KCNIP4: variants seen among roughly 807,000 people sequenced by gnomAD.
KCNIP4 encodes the protein potassium voltage-gated channel interacting protein 4.
KCNIP4 carries 12 observed loss-of-function variants against 34.0 expected under a neutral mutation model. The observed-to-expected ratio is 0.35, with a 90% CI of 0.23 to 0.57. The LOEUF is 0.57. Among genes scored for constraint, KCNIP4 ranks in the 20% least tolerant of loss-of-function variants. KCNIP4 has a pLI of 0.83. For synonymous variants in KCNIP4, 124 were observed against 102.2 expected (o/e 1.21, Z -1.29); for missense variants, 238 against 311.7 (o/e 0.76, Z 1.78).
At chr4:20,813,451 C>T (rs1049074698) in intron 3 of KCNIP4, among the ~76,000 whole-genome samples, 1 of 152,180 alleles carries the variant, frequency 6.6e-6, no homozygotes, top group South Asian at 2.1e-4. Context: ...TTGGATAGTG[C>T]TTGGACAACT....
intron 1 of KCNIP4, among the ~76,000 whole-genome samples, chr4:21,226,373 AGG>A: frequency 6.6e-6 from 1 of 151,208 alleles, no homozygotes; most frequent in East Asian, 2.0e-4. Flanking sequence ...GAAGGAAGGA[AGG>A]AAGGAAGGAA....
intron 1 of KCNIP4, among the ~76,000 whole-genome samples, chr4:21,910,266 G>A (rs1017628402): frequency 6.6e-6 from 1 of 152,090 alleles, no homozygotes; most frequent in Non-Finnish European, 1.5e-5. Context: ...CAATGCAAAT[G>A]TGTTGTCTAT....
intron 1 of KCNIP4, among the ~76,000 whole-genome samples, chr4:21,523,924 G>T (rs925243705): frequency 6.6e-6 from 1 of 152,012 alleles, no homozygotes; most frequent in Admixed American, 6.6e-5. Flanking sequence ...CTCTTTTAAT[G>T]ATATATTGGA....
At chr4:21,042,124 G>A (rs938948614) in intron 1 of KCNIP4, among the ~76,000 whole-genome samples, 4 of 152,238 alleles carry the variant, frequency 2.6e-5, no homozygotes, top group South Asian at 2.1e-4. Flanking sequence ...GATGGGAGCC[G>A]CCTTAAGGGT....
At chr4:21,199,250 T>C (rs889753081) in intron 1 of KCNIP4, among the ~76,000 whole-genome samples, 1 of 152,222 alleles carries the variant, frequency 6.6e-6, no homozygotes, top group Non-Finnish European at 1.5e-5. Flanking sequence ...TCCTGACTTT[T>C]TAATGATCGC....
At chr4:21,539,024 A>G (rs1737462005) in intron 1 of KCNIP4, among the ~76,000 whole-genome samples, 1 of 152,166 alleles carries the variant, frequency 6.6e-6, no homozygotes, top group African/African-American at 2.4e-5. Flanking sequence ...CTGATGGCTT[A>G]AAAGTGGCAG....
chr4:21,600,407 G>A (rs114956829), intron 1 of KCNIP4, among the ~76,000 whole-genome samples: 6 of 152,072 alleles, frequency 3.9e-5, no homozygotes, highest in African/African-American at 9.6e-5. Flanking sequence ...GGGGGTACAC[G>A]TGCTAGTTTG....
intron 1 of KCNIP4, among the ~76,000 whole-genome samples, chr4:21,713,478 C>T (rs144302693): frequency 5.9e-5 from 9 of 152,210 alleles, no homozygotes; most frequent in African/African-American, 2.2e-4. Flanking sequence ...ATTACTAATA[C>T]ATAATAGTTG....
chr4:21,589,294 G>A (rs1160090732), intron 1 of KCNIP4, among the ~76,000 whole-genome samples: 24 of 125,878 alleles, frequency 1.9e-4, no homozygotes, highest in African/African-American at 7.6e-4. Flanking sequence ...ACATATATAT[G>A]TGTATAGATA....
At chr4:21,382,703 T>G (rs1721627411) in intron 1 of KCNIP4, among the ~76,000 whole-genome samples, 1 of 152,214 alleles carries the variant, frequency 6.6e-6, no homozygotes, top group South Asian at 2.1e-4. Flanking sequence ...TTGTTTTATC[T>G]ACTGCACAGC....
intron 1 of KCNIP4, among the ~76,000 whole-genome samples, chr4:21,140,175 A>C (rs1751836077): frequency 6.6e-6 from 1 of 152,084 alleles, no homozygotes; most frequent in Admixed American, 6.5e-5. Context: ...GATTGCCGTC[A>C]GGCTGCTTGG....
intron 1 of KCNIP4, among the ~76,000 whole-genome samples, chr4:20,959,204 T>C (rs1201951417): frequency 6.6e-6 from 1 of 152,192 alleles, no homozygotes; most frequent in Non-Finnish European, 1.5e-5. Flanking sequence ...GGTGACATGG[T>C]TCACCTCTTG....
intron 1 of KCNIP4, among the ~76,000 whole-genome samples, chr4:21,460,518 T>G (rs1729366353): frequency 6.6e-6 from 1 of 152,080 alleles, no homozygotes; most frequent in Non-Finnish European, 1.5e-5. Flanking sequence ...ATGGACTGAT[T>G]CAGTTCACCC....
intron 1 of KCNIP4, among the ~76,000 whole-genome samples, chr4:21,586,667 T>G (rs1477668029): frequency 6.6e-6 from 1 of 152,066 alleles, no homozygotes; most frequent in Admixed American, 6.6e-5. Flanking sequence ...CAAACAAAAC[T>G]GATAGGACGG....
intron 1 of KCNIP4, among the ~76,000 whole-genome samples, chr4:21,924,229 T>C (rs1354813243): frequency 6.7e-6 from 1 of 148,442 alleles, no homozygotes; most frequent in East Asian, 2.0e-4. Flanking sequence ...CAATTTCTAT[T>C]AATGAATATA....
intron 1 of KCNIP4, chr4:21,613,833 C>T (rs1744366586): frequency 6.6e-6 from 1 of 151,918 alleles, no homozygotes; most frequent in Non-Finnish European, 1.5e-5. Context: ...CAGGTAGGGC[C>T]CACCAACACT....
At chr4:20,861,513 T>C (rs896975667) in intron 2 of KCNIP4, among the ~76,000 whole-genome samples, 2 of 152,126 alleles carry the variant, frequency 1.3e-5, no homozygotes, top group African/African-American at 4.8e-5. Context: ...GACACGTATT[T>C]CTGCAACCCT....
At chr4:20,968,344 T>C (rs538722306) in intron 1 of KCNIP4, among the ~76,000 whole-genome samples, 2 of 152,260 alleles carry the variant, frequency 1.3e-5, no homozygotes, top group Admixed American at 1.3e-4. Flanking sequence ...GTAAATTAGC[T>C]CAACCATTGT....
chr4:21,505,860 T>C (rs150019682), intron 1 of KCNIP4, among the ~76,000 whole-genome samples: 2 of 152,290 alleles, frequency 1.3e-5, no homozygotes, highest in African/African-American at 4.8e-5. Flanking sequence ...CCCAGCACTT[T>C]GGGAGACTGA....
Sources: allele counts gnomAD v4.1 joint callset (sites outside exome capture counted in the v4.1 genomes callset), GRCh38; gene constraint gnomAD v4.1.1; transcripts MANE v1.5; gene names NCBI Gene and HGNC (gene_info 2026-07-23, HGNC 2026-07-21).